Variants in ABCA10 observed in about 807,000 individuals in gnomAD.
The protein encoded by ABCA10 is ATP binding cassette subfamily A member 10.
ABCA10 carries 169 observed loss-of-function variants against 187.5 expected under a neutral mutation model. The ratio of observed to expected loss-of-function variants is 0.90; its 90% CI spans 0.80 to 1.02. ABCA10 has a LOEUF of 1.02. ABCA10 is among the 50% of genes least tolerant of loss of function. ABCA10 has a pLI of 0.00. For missense variants in ABCA10, 1,727 were observed against 1,812.4 expected (o/e 0.95, Z 0.86); for synonymous variants, 574 against 601.8 (o/e 0.95, Z 0.68).
chr17:69,220,065 G>T (rs1457487291), intron 5 of ABCA10, among the ~76,000 whole-genome samples: 1 of 152,202 alleles, frequency 6.6e-6, no homozygotes, highest in Non-Finnish European at 1.5e-5. Flanking sequence ...ACATTTTGTA[G>T]CGCAGCAGAA....
rs1974578 is a variant in ABCA10, at chr17:69,148,743, G to T, written c.*84C>A. 724,529 of 1,146,390 alleles carry T rather than the reference G, an allele frequency of 0.63. 234,014 individuals carry two copies. Among genetic ancestry groups the T allele is most frequent in the Non-Finnish European group, 0.68 (538,083 of 797,092 alleles). 71.0% of individuals were successfully genotyped at this position (1,146,390 alleles called of 1,614,324 possible). A position where few individuals can be genotyped will look rare whatever the true frequency, so the allele number is the denominator to read the frequency against. ...TATTAAATGTTTTCTTTTGTTAACT[G>T]AAGTAAAAGGAAACATTCTTGTAGA... On this transcript the variant is annotated 3_prime_UTR_variant, in exon 39 of 39. Coordinates refer to ENST00000690296, the MANE Select transcript of ABCA10 (RefSeq NM_001377321.1).
intron 22 of ABCA10, 60 bp from the exon 23 acceptor site, chr17:69,175,573 T>C (rs2074328718): frequency 1.7e-5 from 22 of 1,294,452 alleles, no homozygotes; most frequent in Non-Finnish European, 2.3e-5. Context: ...ACAAACATTA[T>C]AAGATACGTT....
Position 69,193,946 on chromosome 17 carries a change from G to A in ABCA10, c.1389C>T (p.Asp463=), listed in dbSNP as rs985182225. 11 of 1,610,626 alleles carry A rather than the reference G, an allele frequency of 6.8e-6. No individual in the cohort carries two copies. In the African/African-American group the frequency reaches 1.1e-4, roughly 16 times the overall value. The change falls in exon 13 of 39, where the codon GAC becomes GAT. Residue 463 remains aspartate (D), a synonymous_variant. Coordinates refer to ENST00000690296, the MANE Select transcript of ABCA10 (RefSeq NM_001377321.1). The part of the protein sequence containing the change: ...IYNTQLSEIT[D]MEEIRKNIGF... ...CAATATTCTTTCTAATTTCTTCCAT[G>A]TCAGTTATTTCAGAGAGTTGAGTAT... is the stretch of plus-strand genomic sequence containing the variant.
chr17:69,223,695 C>T (rs1328411084), intron 3 of ABCA10: 1 of 441,752 alleles, frequency 2.3e-6, no homozygotes, highest in Non-Finnish European at 4.5e-6. Flanking sequence ...ACAGTGCTAA[C>T]ATCACTGATT....
rs1455937129 is a variant in ABCA10 at position 69,148,036 on chromosome 17, A to G, written c.*791T>C. On this transcript the variant is annotated 3_prime_UTR_variant, in exon 39 of 39. Transcript: ENST00000690296. Reference sequence around the variant, plus strand: ...GTCCATCAAAGTTTTATTTCTAAGAAATAAACTTGCATATAACCCGAACGT... The same window carrying G: ...GTCCATCAAAGTTTTATTTCTAAGAGATAAACTTGCATATAACCCGAACGT... 1.3e-5 allele frequency: 2 copies of G among 152,190 alleles called. No individual in the cohort carries two copies. The highest frequency in any genetic ancestry group is 2.9e-5 in the Non-Finnish European group (2 of 68,028). 9.4% of individuals were successfully genotyped at this position (152,190 alleles called of 1,614,324 possible). A position where few individuals can be genotyped will look rare whatever the true frequency, so the allele number is the denominator to read the frequency against.
At chr17:69,219,849 G>A (rs1012361947) in intron 5 of ABCA10, 78 bp from the exon 6 acceptor site, 34 of 1,017,348 alleles carry the variant, frequency 3.3e-5, no homozygotes, top group Middle Eastern at 4.6e-4. Context: ...TTTTATTTTC[G>A]ATTTCAATAT....
chr17:69,232,824 G>GT (rs1485996413), upstream of ABCA10: 2 of 152,038 alleles, frequency 1.3e-5, no homozygotes, highest in African/African-American at 2.4e-5. Flanking sequence ...AGCTTTGCTG[G>GT]ATACAGTATT....
chr17:69,208,948 G>A (rs879548034), intron 9 of ABCA10, among the ~76,000 whole-genome samples: 1 of 152,108 alleles, frequency 6.6e-6, no homozygotes, highest in African/African-American at 2.4e-5. Context: ...AGGCTGAGGT[G>A]GGAGGATAGC....
chr17:69,183,069 G>C (rs1197595129), intron 20 of ABCA10, among the ~76,000 whole-genome samples: 1 of 152,084 alleles, frequency 6.6e-6, no homozygotes, highest in Non-Finnish European at 1.5e-5. Context: ...CAGGTGAAAA[G>C]AGTTTATGAA....
chr17:69,186,182 T>A (rs1457471386), intron 19 of ABCA10, among the ~76,000 whole-genome samples: 2 of 152,192 alleles, frequency 1.3e-5, no homozygotes, highest in Non-Finnish European at 2.9e-5. Flanking sequence ...CCAAGCAATC[T>A]TTGTTTCTCT....
chr17:69,223,743 C>A (rs754169945), intron 3 of ABCA10: 6 of 391,398 alleles, frequency 1.5e-5, no homozygotes, highest in South Asian at 1.1e-4. Flanking sequence ...AAGGCCAAAC[C>A]ATGAATATTT....
rs2074480898 is a variant in ABCA10 at position 69,193,983 on chromosome 17, G to A, written c.1352C>T (p.Ala451Val). The change falls in exon 13 of 39, where the codon GCC (alanine) becomes GTC (valine). Residue 451 changes from alanine (A) to valine (V), a missense_variant. Coordinates refer to ENST00000690296, the MANE Select transcript of ABCA10 (RefSeq NM_001377321.1). ...AGAGAGTTGAGTATTATAAATAGTGGCTGATCCTATAAATAGAAATTTAAA... is the reference window on the plus strand; with the variant it reads ...AGAGAGTTGAGTATTATAAATAGTGACTGATCCTATAAATAGAAATTTAAA... ...SGLSVSTEGS[A>V]TIYNTQLSEI... 2 of 1,592,064 alleles carry A rather than the reference G, an allele frequency of 1.3e-6. No individual in the cohort carries two copies. The highest frequency in any genetic ancestry group is 8.6e-7 in the Non-Finnish European group (1 of 1,167,716).
At position 69,196,785 on chromosome 17, in the gene ABCA10, C is replaced by T. The variant is rs185327720; in HGVS notation, c.1234+279G>A. Among the ~76,000 whole-genome samples the T allele has an allele frequency of 1.8e-3, 279 of 152,324 alleles. 2 individuals carry two copies. The highest frequency in any genetic ancestry group is 6.3e-3 in the African/African-American group (264 of 41,576). On this transcript the variant is annotated intron_variant, in intron 11 of 38. Coordinates refer to ENST00000690296, the MANE Select transcript of ABCA10 (RefSeq NM_001377321.1). ...CAGCACCTCGCGAGGCTGAGGCTAGCAGATCACTCGCGGTTAGGAGCTGGA... is the reference window on the plus strand; with the variant it reads ...CAGCACCTCGCGAGGCTGAGGCTAGTAGATCACTCGCGGTTAGGAGCTGGA...
At chr17:69,213,577 C>T (rs529506405) in intron 9 of ABCA10, among the ~76,000 whole-genome samples, 2 of 152,316 alleles carry the variant, frequency 1.3e-5, no homozygotes, top group South Asian at 4.1e-4. Context: ...CCACTGTGCC[C>T]CCACAACAGC....
At chr17:69,175,722 T>C (rs1740601369) in intron 22 of ABCA10, 1 of 399,102 alleles carries the variant, frequency 2.5e-6, no homozygotes, top group Non-Finnish European at 4.5e-6. Context: ...AAATCTCAAT[T>C]TTATATGTAT....
intron 9 of ABCA10, 124 bp downstream of exon 9, chr17:69,214,580 G>T: frequency 1.2e-6 from 1 of 837,772 alleles, no homozygotes; most frequent in Non-Finnish European, 1.7e-6. Context: ...AAATTCTATT[G>T]TTTTGAAATT....
intron 36 of ABCA10, among the ~76,000 whole-genome samples, chr17:69,151,039 T>C (rs1568046893): frequency 6.6e-6 from 1 of 152,044 alleles, no homozygotes; most frequent in Non-Finnish European, 1.5e-5. Context: ...TTCTATATGG[T>C]AAAAAAAATC....
intron 34 of ABCA10, 51 bp from the exon 35 acceptor site, chr17:69,152,532 T>C (rs1163111474): frequency 5.8e-6 from 9 of 1,555,264 alleles, no homozygotes; most frequent in African/African-American, 1.4e-5. Flanking sequence ...TTTGGGGAAA[T>C]AGATAAATAG....
At position 69,182,094 on chromosome 17, in the gene ABCA10, C is replaced by A. The variant is rs545388846; in HGVS notation, c.2769+59G>T. ...TGAACTCACATGGTAGGCTCTAGAG[C>A]CCTCATCCTTTATCCCTCTGCTGTG... is the stretch of plus-strand genomic sequence containing the variant. On this transcript the variant is annotated intron_variant, in intron 22 of 38. Coordinates refer to ENST00000690296, the MANE Select transcript of ABCA10 (RefSeq NM_001377321.1). 174 of 1,405,900 alleles carry A rather than the reference C, an allele frequency of 1.2e-4. No individual in the cohort carries two copies. The African/African-American group carries it at 2.4e-3, about 19-fold the overall frequency. The allele number at this position is 1,405,900 out of a possible 1,614,324, so 87.1% of individuals were successfully genotyped here. A position where few individuals can be genotyped will look rare whatever the true frequency, so the allele number is the denominator to read the frequency against.
Sources: gnomAD v4.1 joint callset for allele counts (sites outside exome capture counted in the v4.1 genomes callset) on GRCh38, gnomAD v4.1.1 for gene constraint, MANE v1.5 for transcripts, NCBI Gene and HGNC (gene_info 2026-07-23, HGNC 2026-07-21) for gene names.